SLC15A5: variants seen among roughly 807,000 people sequenced by gnomAD.
SLC15A5 encodes the protein Peptide/histidine transporter ENSP00000340402.
SLC15A5 carries 58 observed loss-of-function variants against 56.1 expected under a neutral mutation model. That is an observed-to-expected ratio of 1.03 (90% CI 0.84 to 1.29). The LOEUF (loss-of-function observed/expected upper bound fraction) is 1.29. Ranked by LOEUF, SLC15A5 falls within the 50% of genes most tolerant of loss-of-function variation. The pLI, the probability that SLC15A5 is intolerant of heterozygous loss-of-function variation, is 0.00. For missense variants in SLC15A5, 681 were observed against 672.1 expected (o/e 1.01, Z -0.15); for synonymous variants, 264 against 250.5 (o/e 1.05, Z -0.51).
At chr12:16,258,998 T>C (rs1864609878) in intron 2 of SLC15A5, among the ~76,000 whole-genome samples, 1 of 145,910 alleles carries the variant, frequency 6.9e-6, no homozygotes, top group South Asian at 2.2e-4. Context: ...TTCTTTTTTT[T>C]TTTTTCTTTT....
rs183949638 is a variant in SLC15A5 at position 16,276,174 on chromosome 12, C to T, written c.361+1151G>A. Among the ~76,000 whole-genome samples the T allele has an allele frequency of 4.6e-5, 7 of 152,054 alleles. No homozygotes were observed. The East Asian group carries it at 1.4e-3, about 29-fold the overall frequency. On this transcript the variant is annotated intron_variant, in intron 1 of 8. Coordinates refer to ENST00000344941, the MANE Select transcript of SLC15A5 (RefSeq NM_001170798.1). ...TGAGTGATTATTTGCCATGCAGTGA[C>T]CTAGTTTTTATTCCACAGAACTAAA... is the stretch of plus-strand genomic sequence containing the variant.
chr12:16,261,144 G>C (rs1225300694), intron 2 of SLC15A5, among the ~76,000 whole-genome samples: 1 of 151,878 alleles, frequency 6.6e-6, no homozygotes, highest in African/African-American at 2.4e-5. Flanking sequence ...GAATATGTAT[G>C]TACACACAAA....
chr12:16,240,846 T>C (rs1864407218), intron 4 of SLC15A5, among the ~76,000 whole-genome samples: 1 of 152,096 alleles, frequency 6.6e-6, no homozygotes, highest in South Asian at 2.1e-4. Flanking sequence ...AGAGTCTCGC[T>C]CTGTCACCCA....
intron 7 of SLC15A5, among the ~76,000 whole-genome samples, chr12:16,200,814 A>G (rs1007868609): frequency 6.6e-6 from 1 of 152,160 alleles, no homozygotes; most frequent in Admixed American, 6.6e-5. Flanking sequence ...AAATAAATCA[A>G]ATAAACATTC....
intron 7 of SLC15A5, among the ~76,000 whole-genome samples, chr12:16,195,805 T>C (rs1438509236): frequency 6.6e-6 from 1 of 152,126 alleles, no homozygotes; most frequent in Non-Finnish European, 1.5e-5. Flanking sequence ...AGTGCATAAG[T>C]ATGACAATTG....
chr12:16,224,824 C>T (rs1001755664), intron 5 of SLC15A5, among the ~76,000 whole-genome samples: 10 of 150,906 alleles, frequency 6.6e-5, no homozygotes, highest in Non-Finnish European at 1.0e-4. Context: ...GTGTTCTGCA[C>T]CCATTAACTC....
chr12:16,244,671 T>C lies in SLC15A5; in HGVS notation c.884A>G (p.Tyr295Cys). 1.3e-6 allele frequency: 2 copies of C among 1,537,510 alleles called. No individual in the cohort carries two copies. Among genetic ancestry groups the C allele is most frequent in the Non-Finnish European group, 1.7e-6 (2 of 1,146,986 alleles). Reference sequence around the variant, plus strand: ...TGTGTCTTCTACATGGAGCTCACTGTAGCAGCCACCATTTTTTTCTTTGGC... The same window carrying C: ...TGTGTCTTCTACATGGAGCTCACTGCAGCAGCCACCATTTTTTTCTTTGGC... ...DHAKEKNGGC[Y>C]SELHVEDTTF... The change falls in exon 4 of 9, where the codon TAC becomes TGC. Residue 295 changes from tyrosine to cysteine, a missense_variant. Tyr to Cys is a radical substitution (Grantham distance 194). Coordinates refer to ENST00000344941, the MANE Select transcript of SLC15A5 (RefSeq NM_001170798.1).
At chr12:16,221,956 C>T (rs549042628) in intron 6 of SLC15A5, among the ~76,000 whole-genome samples, 7 of 152,166 alleles carry the variant, frequency 4.6e-5, no homozygotes, top group African/African-American at 1.4e-4. Context: ...CCCAGCTGTT[C>T]AGGTGGTTTA....
In SLC15A5 at chr12:16,259,900, G is replaced by GGT. The variant is rs1555173553; in HGVS notation, c.585-2031_585-2030insAC. 5.8e-4 allele frequency among the ~76,000 whole-genome samples: 88 copies of GGT among 151,082 alleles called. 4 individuals are homozygous for GGT. The highest frequency in any genetic ancestry group is 1.0e-3 in the South Asian group (5 of 4,770). Reference sequence around the variant, plus strand: ...GCTGTACCCAGCTGACACCACCCGGGCGGGGGGTAAGTTAGAGCACTTCCA... The same window carrying GGT: ...GCTGTACCCAGCTGACACCACCCGGGGTCGGGGGGTAAGTTAGAGCACTTCCA... On this transcript the variant is annotated intron_variant, in intron 2 of 8. Coordinates refer to ENST00000344941, the MANE Select transcript of SLC15A5 (RefSeq NM_001170798.1).
chr12:16,274,041 AT>A (rs1226453418), intron 1 of SLC15A5, among the ~76,000 whole-genome samples: 4 of 151,622 alleles, frequency 2.6e-5, no homozygotes, highest in Non-Finnish European at 4.4e-5. Flanking sequence ...AATATGAACA[AT>A]TTTTAAAATA....
intron 3 of SLC15A5, among the ~76,000 whole-genome samples, chr12:16,245,680 C>A (rs904362232): frequency 6.6e-6 from 1 of 152,124 alleles, no homozygotes; most frequent in Non-Finnish European, 1.5e-5. Flanking sequence ...CCAGAAATTA[C>A]GTAGACACCA....
chr12:16,238,711 A>C (rs1267801558), intron 5 of SLC15A5, among the ~76,000 whole-genome samples: 1 of 152,120 alleles, frequency 6.6e-6, no homozygotes, highest in Non-Finnish European at 1.5e-5. Flanking sequence ...TTTCAATAGA[A>C]TTGTTTCTCA....
chr12:16,244,768 C>A lies in SLC15A5; in HGVS notation c.787G>T (p.Val263Phe). Reference protein sequence around the residue: ...CSLLTGVGVLVSALKTCHPQY... With the variant: ...CSLLTGVGVLFSALKTCHPQY... Reference sequence around the variant, plus strand: ...GGGTGGCATGTTTTCAGTGCACTAACCAACACCCCAACGCCTGTCAGGAGA... The same window carrying A: ...GGGTGGCATGTTTTCAGTGCACTAAACAACACCCCAACGCCTGTCAGGAGA... Residue 263 changes from valine (V) to phenylalanine (F), a missense_variant, in exon 4 of 9, where the codon GTT becomes TTT. Physicochemically the swap from Val to Phe is conservative, Grantham distance 50. Transcript: ENST00000344941. The A allele has an allele frequency of 3.3e-6, 5 of 1,537,782 alleles. No homozygotes were observed. The highest frequency in any genetic ancestry group is 4.4e-6 in the Non-Finnish European group (5 of 1,147,018).
intron 2 of SLC15A5, among the ~76,000 whole-genome samples, chr12:16,260,846 G>C (rs1181400809): frequency 6.6e-6 from 1 of 151,710 alleles, no homozygotes; most frequent in Non-Finnish European, 1.5e-5. Flanking sequence ...GTGTCATGGG[G>C]TAATTATTTC....
At chr12:16,228,626 G>A (rs750172026) in intron 5 of SLC15A5, among the ~76,000 whole-genome samples, 27 of 152,184 alleles carry the variant, frequency 1.8e-4, no homozygotes, top group Admixed American at 2.6e-4. Context: ...TACCACCTCT[G>A]AGACAGCAAG....
At chr12:16,195,197 A>G (rs1245098588) in intron 7 of SLC15A5, among the ~76,000 whole-genome samples, 1 of 151,840 alleles carries the variant, frequency 6.6e-6, no homozygotes, top group Non-Finnish European at 1.5e-5. Flanking sequence ...CTATAACTCT[A>G]TCTCTATCTC....
At chr12:16,254,895 G>T (rs1199779591) in intron 3 of SLC15A5, among the ~76,000 whole-genome samples, 1 of 152,058 alleles carries the variant, frequency 6.6e-6, no homozygotes, top group African/African-American at 2.4e-5. Flanking sequence ...ATTATAGCTA[G>T]GTAGGAGGAA....
At chr12:16,240,053 T>C (rs1190043557) in intron 4 of SLC15A5, among the ~76,000 whole-genome samples, 186 bp from the exon 5 acceptor site, 3 of 152,218 alleles carry the variant, frequency 2.0e-5, no homozygotes, top group Non-Finnish European at 4.4e-5. Context: ...GAGCTCTGTC[T>C]AGTCTATTGA....
intron 5 of SLC15A5, among the ~76,000 whole-genome samples, chr12:16,224,806 C>T (rs905849577): frequency 2.0e-5 from 3 of 151,450 alleles, no homozygotes; most frequent in Non-Finnish European, 4.4e-5. Context: ...TATACATGTG[C>T]CATGTTGGTG....
Sources: gnomAD v4.1 joint callset for allele counts (sites outside exome capture counted in the v4.1 genomes callset) on GRCh38, gnomAD v4.1.1 for gene constraint, MANE v1.5 for transcripts, NCBI Gene and HGNC (gene_info 2026-07-23, HGNC 2026-07-21) for gene names.